Variants in MADD observed in about 807,000 individuals in gnomAD.
MADD encodes MAP kinase-activating death domain protein.
Under a neutral mutation model 176.7 loss-of-function variants are expected in MADD, and 109 were observed. The observed-to-expected ratio is 0.62, with a 90% confidence interval of 0.53 to 0.72. The LOEUF is 0.72. Among genes scored for constraint, MADD ranks in the 30% least tolerant of loss-of-function variants. The pLI is 0.00. For missense variants in MADD, 1,914 were observed against 2,045.5 expected (o/e 0.94, Z 1.24); for synonymous variants, 771 against 771.3 (o/e 1.00, Z 0.01).
exon 2 of MADD, chr11:47,273,929 G>C (rs1296397639): frequency 6.2e-7 from 1 of 1,614,002 alleles, no homozygotes; most frequent in Non-Finnish European, 8.5e-7. Flanking sequence ...TGCAAAAGAA[G>C]AAGTTCTGTC....
At chr11:47,280,162 C>G (rs1395055297) in intron 7 of MADD, among the ~76,000 whole-genome samples, 1 of 152,154 alleles carries the variant, frequency 6.6e-6, no homozygotes, top group Admixed American at 6.5e-5. Flanking sequence ...GAACACAGTA[C>G]CTGAAGGTAA....
At chr11:47,324,222 TG>T in intron 28 of MADD, 42 bp from the exon 32 acceptor site, 1 of 1,585,854 alleles carries the variant, frequency 6.3e-7, no homozygotes, top group Non-Finnish European at 8.7e-7. Context: ...TGGGGAACCC[TG>T]GACAGCCCTC....
intron 22 of MADD, among the ~76,000 whole-genome samples, chr11:47,301,816 TCA>T (rs941505385): frequency 6.6e-6 from 1 of 152,230 alleles, no homozygotes; most frequent in Admixed American, 6.5e-5. Context: ...TGCTGTGATT[TCA>T]GTTTTCTTAA....
chr11:47,278,043 T>C (rs2052199447), intron 5 of MADD, 122 bp from the exon 6 acceptor site: 1 of 713,908 alleles, frequency 1.4e-6, no homozygotes, highest in Non-Finnish European at 2.5e-6. Context: ...CAAATACATC[T>C]GGCCTCAAGA....
intron 26 of MADD, among the ~76,000 whole-genome samples, chr11:47,314,231 C>CAAA (rs751848858): frequency 8.3e-6 from 1 of 119,976 alleles, no homozygotes; most frequent in South Asian, 2.6e-4. Flanking sequence ...GACCCTGTCT[C>CAAA]AAAAAAAAAA....
chr11:47,303,911 G>A (rs1167002305), intron 22 of MADD, among the ~76,000 whole-genome samples: 1 of 152,058 alleles, frequency 6.6e-6, no homozygotes, highest in Non-Finnish European at 1.5e-5. Context: ...TCTGGCTGGA[G>A]AGGACTTTTT....
At chr11:47,318,433 T>C (rs565655953) in intron 27 of MADD, among the ~76,000 whole-genome samples, 6 of 152,300 alleles carry the variant, frequency 3.9e-5, no homozygotes, top group African/African-American at 1.4e-4. Flanking sequence ...TTTAAAGTGT[T>C]AGAATTTGGC....
rs1237369510 is a variant in MADD at position 47,295,879 on chromosome 11, A to G, written c.3484-18A>G. On this transcript the variant is annotated intron_variant, in intron 21 of 32. Coordinates refer to ENST00000402192, the Ensembl canonical transcript of MADD. Reference sequence around the variant, plus strand: ...CCATCCCTGGGGACTGTCTCTTACTACCTTTTTTCCTTTCCAGGTGAGTAA... The same window carrying G: ...CCATCCCTGGGGACTGTCTCTTACTGCCTTTTTTCCTTTCCAGGTGAGTAA... The G allele has an allele frequency of 6.2e-7, 1 of 1,606,226 alleles. No individual in the cohort carries two copies. The highest frequency in any genetic ancestry group is 1.7e-5 in the Admixed American group (1 of 58,584).
Position 47,279,080 on chromosome 11 carries a change from G to A in MADD, c.1290+1G>A. 6.2e-7 allele frequency: 1 copy of A among 1,613,802 alleles called. No individual in the cohort carries two copies. The highest frequency in any genetic ancestry group is 8.5e-7 in the Non-Finnish European group (1 of 1,179,776). ...AGAGCTGAAAAAGCATTTAAAGCAGGTAGGTGAAGAACGAAGGAAAGAAAG... is the reference window on the plus strand; with the variant it reads ...AGAGCTGAAAAAGCATTTAAAGCAGATAGGTGAAGAACGAAGGAAAGAAAG... On this transcript the variant is annotated splice_donor_variant, in intron 7 of 32. Coordinates refer to ENST00000402192, the Ensembl canonical transcript of MADD. LOFTEE classifies it high-confidence loss of function.
intron 22 of MADD, among the ~76,000 whole-genome samples, chr11:47,303,149 C>T (rs2079283650): frequency 6.6e-6 from 1 of 151,828 alleles, no homozygotes; most frequent in African/African-American, 2.4e-5. Context: ...TATATCATCC[C>T]ATTCTCTACT....
upstream of MADD, chr11:47,269,527 T>C (rs965502356): frequency 3.3e-5 from 5 of 152,328 alleles, no homozygotes; most frequent in African/African-American, 1.2e-4. Flanking sequence ...AAGAGCCGTG[T>C]GGCCGCGGGG....
exon 3 of MADD, chr11:47,274,717 G>A: frequency 6.2e-7 from 1 of 1,614,228 alleles, no homozygotes; most frequent in South Asian, 1.1e-5. Flanking sequence ...GAGCCTTCGG[G>A]ATGATACCTC....
At chr11:47,279,551 T>A (rs2054295991) in intron 7 of MADD, among the ~76,000 whole-genome samples, 1 of 151,884 alleles carries the variant, frequency 6.6e-6, no homozygotes, top group South Asian at 2.1e-4. Flanking sequence ...GCTAATTTTT[T>A]TGTATTTTTG....
chr11:47,296,096 T>C (rs199821382), intron 22 of MADD, 41 bp downstream of exon 24: 3 of 1,600,612 alleles, frequency 1.9e-6, no homozygotes, highest in Admixed American at 1.7e-5. Context: ...ATTTCTTTAA[T>C]GGGGGAGGGA....
chr11:47,327,880 ACTC>A (rs1420903271), intron 31 of MADD: 1 of 984,560 alleles, frequency 1.0e-6, no homozygotes, highest in East Asian at 1.1e-4. Context: ...TGGGGGGCCT[ACTC>A]CTTCCTCTGG....
chr11:47,278,073 A>G lies in MADD; in HGVS notation c.1096-92A>G, dbSNP rs754015944. On this transcript the variant is annotated intron_variant, in intron 5 of 32. Transcript: ENST00000402192. ...TCAAGAGTTTTGGAAGAGGGATTGT[A>G]TCTGCATTTCCTTATCTAGAAGAAT... The G allele has an allele frequency of 4.6e-4, 384 of 836,132 alleles. 1 individual carries two copies. The highest frequency in any genetic ancestry group is 6.6e-4 in the Non-Finnish European group (321 of 486,452). 51.8% of individuals were successfully genotyped at this position (836,132 alleles called of 1,614,324 possible).
In MADD at chr11:47,289,373, C is replaced by G. The variant is rs753763277; in HGVS notation, c.2654-18C>G. 6.9e-6 allele frequency: 11 copies of G among 1,595,412 alleles called. No homozygotes were observed. The highest frequency in any genetic ancestry group is 8.6e-6 in the Non-Finnish European group (10 of 1,162,892). ...ACTACAATAGTGATGTCTCTCATTC[C>G]TGCCTTCCCTGCCACAGGAAACAGG... On this transcript the variant is annotated intron_variant, in intron 15 of 32. Transcript: ENST00000402192.
chr11:47,284,951 A>C, exon 13 of MADD: 1 of 1,613,546 alleles, frequency 6.2e-7, no homozygotes, highest in Non-Finnish European at 8.5e-7. Context: ...GAACCTGCTG[A>C]CTCTACGGAG....
Position 47,275,944 on chromosome 11 carries a change from GAAGTC to G in MADD, c.710_714del (p.Ser237CysfsTer5). 6.2e-7 allele frequency: 1 copy of G among 1,613,834 alleles called. No individual in the cohort carries two copies. The highest frequency in any genetic ancestry group is 8.5e-7 in the Non-Finnish European group (1 of 1,179,686). The stretch of plus-strand genomic sequence containing the variant: ...TTACTGGATCGCTGCTGGTAGAGGA[GAAGTC>G]AAGTGCCCTTCTGCATGACCTTCGA... On this transcript the variant is annotated frameshift_variant, in exon 4 of 33. Coordinates refer to ENST00000402192, the Ensembl canonical transcript of MADD. LOFTEE classifies it high-confidence loss of function.
Sources: allele counts gnomAD v4.1 joint callset (sites outside exome capture counted in the v4.1 genomes callset), GRCh38; gene constraint gnomAD v4.1.1; transcripts MANE v1.5; gene names NCBI Gene and HGNC (gene_info 2026-07-23, HGNC 2026-07-21).